BRIP1: variants seen among roughly 807,000 people sequenced by gnomAD.
BRIP1 encodes Fanconi anemia group J protein.
Under a neutral mutation model 119.7 loss-of-function variants are expected in BRIP1, and 88 were observed. The ratio of observed to expected loss-of-function variants is 0.74; its 90% CI spans 0.62 to 0.88. The LOEUF is 0.88. BRIP1 is among the 40% of genes least tolerant of loss of function. The pLI is 0.00. For synonymous variants in BRIP1, 443 were observed against 496.5 expected, an observed-to-expected ratio of 0.89 and a Z score of 1.43; for missense variants, 1,259 against 1,455.4, an observed-to-expected ratio of 0.87 and a Z score of 2.20.
In BRIP1 at chr17:61,759,680, A is replaced by G. The variant is rs1013274103; in HGVS notation, c.2098-15089T>C. ...AGTGAGTCATACATTTTTGTTACCC[A>G]TCATATATAAACGGTTAATGTTTAT... On this transcript the variant is annotated intron_variant, in intron 14 of 19. Transcript: ENST00000259008. This position sits in a 1 kb window ranked among gnomAD's most constrained non-coding sequence, Gnocchi z 4.9. 2.0e-5 allele frequency among the ~76,000 whole-genome samples: 3 copies of G among 152,112 alleles called. No homozygotes were observed. The highest frequency in any genetic ancestry group is 7.2e-5 in the African/African-American group (3 of 41,446).
intron 17 of BRIP1, among the ~76,000 whole-genome samples, chr17:61,712,859 G>T (rs2061800441): frequency 6.7e-6 from 1 of 149,828 alleles, no homozygotes; most frequent in Non-Finnish European, 1.5e-5. Flanking sequence ...AGCTGAGATT[G>T]TGCCACTGCA....
At chr17:61,741,630 C>A (rs768382358) in intron 16 of BRIP1, among the ~76,000 whole-genome samples, 1 of 152,162 alleles carries the variant, frequency 6.6e-6, no homozygotes, top group African/African-American at 2.4e-5. Context: ...CCATAGAGTT[C>A]TTGAGTGACC....
Position 61,863,426 on chromosome 17 carries a change from GTGC to G in BRIP1, c.-176_-174del, listed in dbSNP as rs2078997907. ...CCCTTCCTCCTCCCTCTTCCTGGGG[GTGC>G]TGCTACTTCCCCGGCCTTGTGTGCA... On this transcript the variant is annotated 5_prime_UTR_variant, in exon 1 of 20. Coordinates refer to ENST00000259008, the MANE Select transcript of BRIP1 (RefSeq NM_032043.3). The G allele has an allele frequency of 6.6e-6, 1 of 152,214 alleles. No individual in the cohort carries two copies. Among genetic ancestry groups the G allele is most frequent in the Non-Finnish European group, 1.5e-5 (1 of 68,138 alleles). The allele number at this position is 152,214 out of a possible 1,614,324, so 9.4% of individuals were successfully genotyped here. A position where few individuals can be genotyped will look rare whatever the true frequency, so the allele number is the denominator to read the frequency against.
chr17:61,683,494 T>C lies in BRIP1; in HGVS notation c.3552A>G (p.Glu1184=), dbSNP rs1057522561. The C allele has an allele frequency of 1.2e-6, 2 of 1,613,650 alleles. No individual in the cohort carries two copies. The highest frequency in any genetic ancestry group is 1.3e-5 in the African/African-American group (1 of 75,056). ...TATCTATGCAATCCTCAGCTTTCACTTCTCTGGCTGAATCTACTTCTTTTA... is the reference window on the plus strand; with the variant it reads ...TATCTATGCAATCCTCAGCTTTCACCTCTCTGGCTGAATCTACTTCTTTTA... ...RTIKEVDSAR[E]VKAEDCIDTK... is the part of the protein sequence containing the mutation. The change falls in exon 20 of 20, where the codon GAA becomes GAG. Residue 1184 remains glutamate, a synonymous_variant. Transcript: ENST00000259008. The surrounding 1 kb of genome is among the most constrained non-coding windows in gnomAD (Gnocchi z 4.7).
rs2078066306 is a variant in BRIP1 at position 61,805,848 on chromosome 17, C to G, written c.918+2619G>C. The stretch of plus-strand genomic sequence containing the variant: ...TTTATACAAAATGATCACTAAAGTG[C>G]CTTTAGAATCTATGACTATGAGCTA... On this transcript the variant is annotated intron_variant, in intron 7 of 19. Coordinates refer to ENST00000259008, the MANE Select transcript of BRIP1 (RefSeq NM_032043.3). This position sits in a 1 kb window ranked among gnomAD's most constrained non-coding sequence, Gnocchi z 5.6. Among the ~76,000 whole-genome samples, 1 of 152,086 alleles carries G rather than the reference C, an allele frequency of 6.6e-6. No individual in the cohort carries two copies. The highest frequency in any genetic ancestry group is 2.4e-5 in the African/African-American group (1 of 41,412).
Position 61,845,577 on chromosome 17 carries a change from A to C in BRIP1, c.627+1524T>G, listed in dbSNP as rs377408636. 6.6e-6 allele frequency among the ~76,000 whole-genome samples: 1 copy of C among 152,274 alleles called. No individual in the cohort carries two copies. Among genetic ancestry groups the C allele is most frequent in the African/African-American group, 2.4e-5 (1 of 41,562 alleles). ...TATATACAAATTTTTTAAAATTCTG[A>C]TTTTCACTTGAAAGCTCAAATTTTA... On this transcript the variant is annotated intron_variant, in intron 6 of 19. Transcript: ENST00000259008. The surrounding 1 kb of genome is among the most constrained non-coding windows in gnomAD (Gnocchi z 4.2).
chr17:61,823,954 C>T lies in BRIP1; in HGVS notation c.628-15197G>A, dbSNP rs1330086042. Reference sequence around the variant, plus strand: ...TCAGACTCCTGAGCAGCAGAGATTACAGGCATGTGCCGCCGCACCTGCCTA... The same window carrying T: ...TCAGACTCCTGAGCAGCAGAGATTATAGGCATGTGCCGCCGCACCTGCCTA... On this transcript the variant is annotated intron_variant, in intron 6 of 19. Coordinates refer to ENST00000259008, the MANE Select transcript of BRIP1 (RefSeq NM_032043.3). The surrounding 1 kb of genome is among the most constrained non-coding windows in gnomAD (Gnocchi z 4.8). 6.6e-6 allele frequency among the ~76,000 whole-genome samples: 1 copy of T among 152,182 alleles called. No homozygotes were observed. Among genetic ancestry groups the T allele is most frequent in the Non-Finnish European group, 1.5e-5 (1 of 68,040 alleles).
rs2076979009 is a variant in BRIP1, at chr17:61,740,952, C to G, written c.2379+2061G>C. On this transcript the variant is annotated intron_variant, in intron 16 of 19. Transcript: ENST00000259008. The surrounding 1 kb of genome is among the most constrained non-coding windows in gnomAD (Gnocchi z 5.4). ...TGCTCTATCATGTGACTCTTCCTTT[C>G]ACAATAGATTTCTCTGTGGCATAAG... Among the ~76,000 whole-genome samples, 1 of 152,138 alleles carries G rather than the reference C, an allele frequency of 6.6e-6. No homozygotes were observed. The highest frequency in any genetic ancestry group is 2.4e-5 in the African/African-American group (1 of 41,422).
chr17:61,806,095 T>C lies in BRIP1; in HGVS notation c.918+2372A>G, dbSNP rs1350734487. On this transcript the variant is annotated intron_variant, in intron 7 of 19. Transcript: ENST00000259008. This position sits in a 1 kb window ranked among gnomAD's most constrained non-coding sequence, Gnocchi z 4.9. ...CCAAAAAATCAGAAAGTTTACACTT[T>C]AAGGGCAGTTAGAATGACACCCCTC... Among the ~76,000 whole-genome samples, 5 of 152,196 alleles carry C rather than the reference T, an allele frequency of 3.3e-5. No individual in the cohort carries two copies. The highest frequency in any genetic ancestry group is 4.8e-5 in the African/African-American group (2 of 41,448).
chr17:61,715,540 A>G (rs949080929), intron 17 of BRIP1, among the ~76,000 whole-genome samples: 2 of 152,146 alleles, frequency 1.3e-5, no homozygotes, highest in African/African-American at 4.8e-5. Flanking sequence ...ATCTCCTCAC[A>G]CTGGCTGGTA....
intron 17 of BRIP1, among the ~76,000 whole-genome samples, chr17:61,698,832 A>G (rs1311725787): frequency 6.6e-6 from 1 of 151,808 alleles, no homozygotes; most frequent in Non-Finnish European, 1.5e-5. Flanking sequence ...CTCCCACATC[A>G]GTCTCCTGAA....
chr17:61,685,721 C>T (rs1603276425), intron 19 of BRIP1, 115 bp downstream of exon 19: 1 of 966,138 alleles, frequency 1.0e-6, no homozygotes, highest in South Asian at 1.4e-5. Flanking sequence ...ATGATAACAC[C>T]TTATATTACA....
rs112000756 is a variant in BRIP1, at chr17:61,834,879, C to A, written c.627+12222G>T. 1.2e-3 allele frequency among the ~76,000 whole-genome samples: 190 copies of A among 152,294 alleles called. 1 individual carries two copies. Among genetic ancestry groups the A allele is most frequent in the African/African-American group, 3.8e-3 (160 of 41,564 alleles). On this transcript the variant is annotated intron_variant, in intron 6 of 19. Coordinates refer to ENST00000259008, the MANE Select transcript of BRIP1 (RefSeq NM_032043.3). This position sits in a 1 kb window ranked among gnomAD's most constrained non-coding sequence, Gnocchi z 4.4. ...GACACATGAGTAGGCCACCTGAGAT[C>A]AGCAGAAGAAATGCCCAGCTGAGCC...
At position 61,739,434 on chromosome 17, in the gene BRIP1, C is replaced by T. The variant is rs2076959021; in HGVS notation, c.2379+3579G>A. On this transcript the variant is annotated intron_variant, in intron 16 of 19. Coordinates refer to ENST00000259008, the MANE Select transcript of BRIP1 (RefSeq NM_032043.3). The surrounding 1 kb of genome is among the most constrained non-coding windows in gnomAD (Gnocchi z 6.0). ...AACTGGAGAAAGGTAGTAGAAACCA[C>T]CAAAGTTACTGGAGGCTGAAAAAGT... The T allele has an allele frequency of 5.4e-6, 1 of 183,804 alleles. No homozygotes were observed. Among genetic ancestry groups the T allele is most frequent in the African/African-American group, 2.4e-5 (1 of 42,550 alleles). 11.4% of individuals were successfully genotyped at this position (183,804 alleles called of 1,614,324 possible). A position where few individuals can be genotyped will look rare whatever the true frequency, so the allele number is the denominator to read the frequency against.
At position 61,731,981 on chromosome 17, in the gene BRIP1, C is replaced by A. The variant is rs7212941; in HGVS notation, c.2379+11032G>T. ...TTTTCTTTTCTTTCTTTCTTTCTTT[C>A]TTTTTTTTTTTTTTTTTTTTTTGAG... On this transcript the variant is annotated intron_variant, in intron 16 of 19. Transcript: ENST00000259008. Among the ~76,000 whole-genome samples, 188 of 82,996 alleles carry A rather than the reference C, an allele frequency of 2.3e-3. 2 individuals are homozygous for A. The highest frequency in any genetic ancestry group is 9.5e-3 in the African/African-American group (180 of 18,948). 54.4% of individuals were successfully genotyped at this position (82,996 alleles called of 152,430 possible).
Position 61,828,792 on chromosome 17 carries a change from G to A in BRIP1, c.627+18309C>T, listed in dbSNP as rs978266894. 3.3e-5 allele frequency among the ~76,000 whole-genome samples: 5 copies of A among 152,106 alleles called. No homozygotes were observed. The highest frequency in any genetic ancestry group is 1.3e-4 in the Admixed American group (2 of 15,270). On this transcript the variant is annotated intron_variant, in intron 6 of 19. Transcript: ENST00000259008. The surrounding 1 kb of genome is among the most constrained non-coding windows in gnomAD (Gnocchi z 4.1). ...CTAAAAATAACAAAACACTGTGAGG[G>A]CTATGACAAATGTAGAAGTAAAATA...
chr17:61,724,824 C>T lies in BRIP1; in HGVS notation c.2380-8761G>A, dbSNP rs1416938021. On this transcript the variant is annotated intron_variant, in intron 16 of 19. Coordinates refer to ENST00000259008, the MANE Select transcript of BRIP1 (RefSeq NM_032043.3). This position sits in a 1 kb window ranked among gnomAD's most constrained non-coding sequence, Gnocchi z 5.1. Reference sequence around the variant, plus strand: ...GCTTCAGAAAAATAAACACATTTGTCTAGCAAACACTTGAGTAGAACAGTT... The same window carrying T: ...GCTTCAGAAAAATAAACACATTTGTTTAGCAAACACTTGAGTAGAACAGTT... Among the ~76,000 whole-genome samples, 8 of 152,146 alleles carry T rather than the reference C, an allele frequency of 5.3e-5. No individual in the cohort carries two copies. The highest frequency in any genetic ancestry group is 1.3e-4 in the Admixed American group (2 of 15,272).
chr17:61,765,385 A>C (rs1377032720), intron 14 of BRIP1, among the ~76,000 whole-genome samples: 1 of 21,876 alleles, frequency 4.6e-5, no homozygotes, highest in Non-Finnish European at 7.9e-5. Flanking sequence ...TATATTATAT[A>C]TATATATATA....
intron 17 of BRIP1, 121 bp downstream of exon 17, chr17:61,715,830 T>G: frequency 3.2e-6 from 2 of 616,398 alleles, no homozygotes; most frequent in Non-Finnish European, 5.5e-6. Context: ...ACATACCAGT[T>G]CCTATGGTTC....
Sources: allele counts gnomAD v4.1 joint callset (sites outside exome capture counted in the v4.1 genomes callset), GRCh38; gene constraint gnomAD v4.1.1; non-coding constraint Gnocchi (gnomAD v3.1); transcripts MANE v1.5; gene names NCBI Gene and HGNC (gene_info 2026-07-23, HGNC 2026-07-21).